The following ATP10A variants were observed in gnomAD, a reference collection of about 807,000 sequenced individuals.
ATP10A encodes the protein phospholipid-transporting ATPase VA.
In ATP10A, 111 loss-of-function variants were observed where a neutral mutation model predicts 147.8. That is an observed-to-expected ratio of 0.75 (90% CI 0.64 to 0.88). The LOEUF is 0.88. ATP10A is among the 40% of genes least tolerant of loss of function. ATP10A has a pLI of 0.00. For missense variants in ATP10A, 1,927 were observed against 1,959.0 expected, an observed-to-expected ratio of 0.98 and a Z score of 0.31; for synonymous variants, 875 against 841.6, an observed-to-expected ratio of 1.04 and a Z score of -0.69.
intron 15 of ATP10A, among the ~76,000 whole-genome samples, chr15:25,688,330 G>A (rs1899813297): frequency 6.6e-6 from 1 of 152,294 alleles, no homozygotes; most frequent in South Asian, 2.1e-4. Context: ...GATGGGCAAA[G>A]CCAGGCCCAC....
intron 12 of ATP10A, among the ~76,000 whole-genome samples, chr15:25,703,073 T>C (rs940552464): frequency 6.6e-6 from 1 of 152,166 alleles, no homozygotes; most frequent in Non-Finnish European, 1.5e-5. Context: ...AAAGAGGCAC[T>C]GGGGTCGGGC....
chr15:25,857,179 C>CA (rs1197366297), intron 1 of ATP10A, among the ~76,000 whole-genome samples: 9 of 152,204 alleles, frequency 5.9e-5, no homozygotes, highest in Admixed American at 4.6e-4. Context: ...CACACTGGCT[C>CA]AGGCTTGTCA....
At chr15:25,753,403 T>C (rs932678666) in intron 2 of ATP10A, among the ~76,000 whole-genome samples, 1 of 152,192 alleles carries the variant, frequency 6.6e-6, no homozygotes, top group Non-Finnish European at 1.5e-5. Flanking sequence ...ATCCATGTTG[T>C]TGCAAATGAC....
intron 1 of ATP10A, among the ~76,000 whole-genome samples, chr15:25,795,542 G>A (rs1056864509): frequency 2.0e-5 from 3 of 152,196 alleles, no homozygotes; most frequent in African/African-American, 4.8e-5. Context: ...CACAGAATGA[G>A]CTCTGATTTT....
rs141142289 is a variant in ATP10A, at chr15:25,717,963, A to G, written c.1581+219T>C. 5.6e-3 allele frequency among the ~76,000 whole-genome samples: 855 copies of G among 152,300 alleles called. 11 individuals are homozygous for G. Among genetic ancestry groups the G allele is most frequent in the African/African-American group, 0.019 (793 of 41,560 alleles). On this transcript the variant is annotated intron_variant, in intron 8 of 20. Coordinates refer to ENST00000555815, the MANE Select transcript of ATP10A (RefSeq NM_024490.4). Reference sequence around the variant, plus strand: ...CTTTCTGGGTGACTTGCCAGCAATCAACCAGCCTTAGAAGCCATGCAAAGG... The same window carrying G: ...CTTTCTGGGTGACTTGCCAGCAATCGACCAGCCTTAGAAGCCATGCAAAGG...
At chr15:25,757,455 A>T (rs976483680) in intron 2 of ATP10A, among the ~76,000 whole-genome samples, 14 of 152,168 alleles carry the variant, frequency 9.2e-5, no homozygotes, top group Non-Finnish European at 1.6e-4. Flanking sequence ...TTTTGGTGAG[A>T]AAAATCTTGA....
rs776441350 is a variant in ATP10A, at chr15:25,727,316, A to T, written c.741-50T>A. 71 of 1,458,034 alleles carry T rather than the reference A, an allele frequency of 4.9e-5. No individual in the cohort carries two copies. The East Asian group carries it at 1.5e-3, about 31-fold the overall frequency. The allele number at this position is 1,458,034 out of a possible 1,614,324, so 90.3% of individuals were successfully genotyped here. On this transcript the variant is annotated intron_variant, in intron 3 of 20. Coordinates refer to ENST00000555815, the MANE Select transcript of ATP10A (RefSeq NM_024490.4). ...TCACGTGGTTGCAGGCCTGTGCCTCATGTCTGGAGCCGCAATGCCTTGAGG... is the reference window on the plus strand; with the variant it reads ...TCACGTGGTTGCAGGCCTGTGCCTCTTGTCTGGAGCCGCAATGCCTTGAGG...
At chr15:25,859,261 A>G (rs910735229) in intron 1 of ATP10A, among the ~76,000 whole-genome samples, 14 of 152,074 alleles carry the variant, frequency 9.2e-5, no homozygotes, top group Non-Finnish European at 1.8e-4. Flanking sequence ...AGGGATGCCC[A>G]CCCTGTTCCA....
At chr15:25,714,994 AC>A (rs1369327210) in intron 9 of ATP10A, among the ~76,000 whole-genome samples, 1 of 148,684 alleles carries the variant, frequency 6.7e-6, no homozygotes, top group Non-Finnish European at 1.5e-5. Context: ...ACACACACAC[AC>A]ACACACAATT....
chr15:25,764,624 T>A (rs553360666), intron 2 of ATP10A, among the ~76,000 whole-genome samples: 1 of 152,344 alleles, frequency 6.6e-6, no homozygotes, highest in South Asian at 2.1e-4. Flanking sequence ...AATCTTGTAT[T>A]CCCAGCTTCC....
At position 25,862,982 on chromosome 15, in the gene ATP10A, C is replaced by G; in HGVS notation, c.115G>C (p.Asp39His). The change falls in exon 1 of 21, where the codon GAC (aspartate) becomes CAC (histidine). Residue 39 changes from aspartate (D) to histidine (H), a missense_variant. By Grantham distance (81) the Asp-to-His change is moderately conservative (BLOSUM62 -1). Transcript: ENST00000555815. ...CCCTTGGCCGCGCCAGCCGCAGGGTCCTCGGCGCCCGGGGGCGGCAGCAGG... is the reference window on the plus strand; with the variant it reads ...CCCTTGGCCGCGCCAGCCGCAGGGTGCTCGGCGCCCGGGGGCGGCAGCAGG... ...SNLLPPPGAE[D>H]PAAGAAKGER... The G allele has an allele frequency of 6.9e-7, 1 of 1,439,734 alleles. No individual in the cohort carries two copies. The highest frequency in any genetic ancestry group is 9.0e-7 in the Non-Finnish European group (1 of 1,105,238). 89.2% of individuals were successfully genotyped at this position (1,439,734 alleles called of 1,614,324 possible). A position where few individuals can be genotyped will look rare whatever the true frequency, so the allele number is the denominator to read the frequency against.
chr15:25,770,596 C>T lies in ATP10A; in HGVS notation c.654+10423G>A, dbSNP rs149962006. Among the ~76,000 whole-genome samples, 835 of 152,304 alleles carry T rather than the reference C, an allele frequency of 5.5e-3. 3 individuals carry two copies. The highest frequency in any genetic ancestry group is 9.2e-3 in the Non-Finnish European group (628 of 68,026). ...GGAGTAGTGGGGGTAGTCACTCTCA[C>T]CAGAGGGTTGCAAAGGAAAATAATA... On this transcript the variant is annotated intron_variant, in intron 2 of 20. Coordinates refer to ENST00000555815, the MANE Select transcript of ATP10A (RefSeq NM_024490.4).
chr15:25,819,877 A>G (rs1295755892), intron 1 of ATP10A, among the ~76,000 whole-genome samples: 1 of 152,202 alleles, frequency 6.6e-6, no homozygotes, highest in Non-Finnish European at 1.5e-5. Context: ...AAATAACATG[A>G]ACACAAGGAT....
At chr15:25,773,306 T>C (rs556052455) in intron 2 of ATP10A, among the ~76,000 whole-genome samples, 1 of 152,292 alleles carries the variant, frequency 6.6e-6, no homozygotes, top group South Asian at 2.1e-4. Flanking sequence ...GGAAGCTGGC[T>C]CTTACCAATT....
chr15:25,735,341 CCA>C (rs145191774), intron 3 of ATP10A, among the ~76,000 whole-genome samples: 36 of 151,230 alleles, frequency 2.4e-4, no homozygotes, highest in African/African-American at 7.8e-4. Context: ...ACAGCACTGA[CCA>C]CACACACACA....
chr15:25,696,661 C>T (rs1175022323), intron 13 of ATP10A, among the ~76,000 whole-genome samples: 1 of 152,216 alleles, frequency 6.6e-6, no homozygotes, highest in Non-Finnish European at 1.5e-5. Context: ...TAGCCCCTGG[C>T]TTAGCCCAAG....
At chr15:25,672,246 C>T in the ATP10A span, among the ~76,000 whole-genome samples, 1 of 152,156 alleles carries the variant, frequency 6.6e-6, no homozygotes, top group Admixed American at 6.5e-5. Context: ...CCCGGCCCGT[C>T]CTTTCGTGAC....
In ATP10A at chr15:25,747,906, A is replaced by G. The variant is rs1351442695; in HGVS notation, c.655-11765T>C. On this transcript the variant is annotated intron_variant, in intron 2 of 20. Coordinates refer to ENST00000555815, the MANE Select transcript of ATP10A (RefSeq NM_024490.4). ...GCTGGCATGGGCTTTATACTAAAAC[A>G]CAATAAACATATTAAAAAACACAAA... is the stretch of plus-strand genomic sequence containing the variant. Among the ~76,000 whole-genome samples, 3 of 152,204 alleles carry G rather than the reference A, an allele frequency of 2.0e-5. No individual in the cohort carries two copies. In the East Asian group the frequency reaches 5.8e-4, roughly 29 times the overall value.
chr15:25,837,558 C>T (rs997988919), intron 1 of ATP10A, among the ~76,000 whole-genome samples: 2 of 152,172 alleles, frequency 1.3e-5, no homozygotes, highest in Non-Finnish European at 2.9e-5. Flanking sequence ...GACGCATAAA[C>T]CTAGGGCTTT....
Sources: allele counts gnomAD v4.1 joint callset (sites outside exome capture counted in the v4.1 genomes callset), GRCh38; gene constraint gnomAD v4.1.1; transcripts MANE v1.5; gene names NCBI Gene and HGNC (gene_info 2026-07-23, HGNC 2026-07-21).